DYNC1H1: variants seen among roughly 807,000 people sequenced by gnomAD.
The protein encoded by DYNC1H1 is cytoplasmic dynein 1 heavy chain 1.
Under a neutral mutation model 527.1 loss-of-function variants are expected in DYNC1H1, and 51 were observed. That is an observed-to-expected ratio of 0.10 (90% CI 0.08 to 0.12). DYNC1H1 has a LOEUF of 0.12. Ranked by LOEUF, DYNC1H1 falls within the 10% of genes least tolerant of loss-of-function variation. The pLI is 1.00. For synonymous variants in DYNC1H1, 2,189 were observed against 2,278.8 expected, an observed-to-expected ratio of 0.96 and a Z score of 1.12; for missense variants, 2,771 against 5,971.8, an observed-to-expected ratio of 0.46 and a Z score of 17.66.
At position 101,997,852 on chromosome 14, in the gene DYNC1H1, G is replaced by A. The variant is rs1359808593; in HGVS notation, c.3804+578G>A. On this transcript the variant is annotated intron_variant, in intron 16 of 77. Transcript: ENST00000360184. This position sits in a 1 kb window ranked among gnomAD's most constrained non-coding sequence, Gnocchi z 4.8. ...GAGCCTCCTACCTTCATGGAATCAC[G>A]CTCCGTGGGAGAGAGAAAAAAAATG... Among the ~76,000 whole-genome samples, 2 of 152,302 alleles carry A rather than the reference G, an allele frequency of 1.3e-5. No individual in the cohort carries two copies. The highest frequency in any genetic ancestry group is 4.1e-4 in the South Asian group (2 of 4,826).
In DYNC1H1 at chr14:102,039,583, G is replaced by A. The variant is rs748415496; in HGVS notation, c.11595+37G>A. Reference sequence around the variant, plus strand: ...TCCTCAGCCGCTCCCTGGCGGGGGGGAAGCAGGGTGCTGCTTCTCTTATGG... The same window carrying A: ...TCCTCAGCCGCTCCCTGGCGGGGGGAAAGCAGGGTGCTGCTTCTCTTATGG... On this transcript the variant is annotated intron_variant, in intron 61 of 77. Coordinates refer to ENST00000360184, the MANE Select transcript of DYNC1H1 (RefSeq NM_001376.5). The surrounding 1 kb of genome is among the most constrained non-coding windows in gnomAD (Gnocchi z 7.0). The A allele has an allele frequency of 1.4e-5, 23 of 1,614,222 alleles. 1 individual carries two copies. In the South Asian group the frequency reaches 2.2e-4, roughly 15 times the overall value.
intron 43 of DYNC1H1, among the ~76,000 whole-genome samples, chr14:102,024,136 A>G (rs556991286): frequency 1.3e-5 from 2 of 152,332 alleles, no homozygotes; most frequent in East Asian, 3.9e-4. Flanking sequence ...AGTGAAAGAA[A>G]TCTTTGCTTC....
chr14:101,983,236 C>G lies in DYNC1H1; in HGVS notation c.1179C>G (p.Leu393=), dbSNP rs780971776. The G allele has an allele frequency of 5.6e-6, 9 of 1,614,004 alleles. No individual in the cohort carries two copies. Among genetic ancestry groups the G allele is most frequent in the African/African-American group, 2.7e-5 (2 of 74,894 alleles). ...CAAGAGACTTGAGTTCTCAATTACT[C>G]AAAGTATTGGGCACTAGGAAATTGA... The part of the protein sequence containing the change: ...AISRDLSSQL[L]KVLGTRKLMH... Residue 393 remains leucine (L), a synonymous_variant, in exon 6 of 78, where the codon CTC becomes CTG. Coordinates refer to ENST00000360184, the MANE Select transcript of DYNC1H1 (RefSeq NM_001376.5). This position sits in a 1 kb window ranked among gnomAD's most constrained non-coding sequence, Gnocchi z 5.3.
Position 102,042,639 on chromosome 14 carries a change from C to T in DYNC1H1, c.12404C>T (p.Pro4135Leu). ...TGGAACGGCGCTCTCCCTTAGGTGCCTGTGAATCTGCTCCGTGCGGGCCGC... is the reference window on the plus strand; with the variant it reads ...TGGAACGGCGCTCTCCCTTAGGTGCTTGTGAATCTGCTCCGTGCGGGCCGC... ...FLTMEINPKVPVNLLRAGRIF... is the reference protein window; with the variant it reads ...FLTMEINPKVLVNLLRAGRIF... The change falls in exon 69 of 78, where the codon CCT (proline) becomes CTT (leucine). Residue 4135 changes from proline (P) to leucine (L), a missense_variant. This residue lies in a region of DYNC1H1 where 195 missense variants were observed against 428.6 expected (regional missense o/e 0.45). Transcript: ENST00000360184. This position sits in a 1 kb window ranked among gnomAD's most constrained non-coding sequence, Gnocchi z 5.7. 1 of 1,614,172 alleles carries T rather than the reference C, an allele frequency of 6.2e-7. No homozygotes were observed. Among genetic ancestry groups the T allele is most frequent in the Non-Finnish European group, 8.5e-7 (1 of 1,180,038 alleles).
At position 101,982,548 on chromosome 14, in the gene DYNC1H1, C is replaced by G. The variant is rs575607912; in HGVS notation, c.962-471C>G. On this transcript the variant is annotated intron_variant, in intron 5 of 77. Coordinates refer to ENST00000360184, the MANE Select transcript of DYNC1H1 (RefSeq NM_001376.5). The stretch of plus-strand genomic sequence containing the variant: ...TGGAGGTTGCAGTGAGCCGAGATCA[C>G]CCCACTGCACTCCAGCTTGGGCGAC... 2.0e-5 allele frequency among the ~76,000 whole-genome samples: 3 copies of G among 152,138 alleles called. No individual in the cohort carries two copies. The South Asian group carries it at 6.2e-4, about 32-fold the overall frequency.
chr14:102,047,104 TG>T (rs1224706120), intron 72 of DYNC1H1, among the ~76,000 whole-genome samples: 1 of 141,520 alleles, frequency 7.1e-6, no homozygotes, highest in Non-Finnish European at 1.6e-5. Context: ...TTGCTGGTGC[TG>T]GGACTGTGGG....
rs1321496386 is a variant in DYNC1H1, at chr14:102,012,777, A to C, written c.7014+307A>C. 2 of 411,154 alleles carry C rather than the reference A, an allele frequency of 4.9e-6. No homozygotes were observed. Among genetic ancestry groups the C allele is most frequent in the Non-Finnish European group, 9.1e-6 (2 of 219,900 alleles). The allele number at this position is 411,154 out of a possible 1,614,324, so 25.5% of individuals were successfully genotyped here. A position where few individuals can be genotyped will look rare whatever the true frequency, so the allele number is the denominator to read the frequency against. On this transcript the variant is annotated intron_variant, in intron 34 of 77. Coordinates refer to ENST00000360184, the MANE Select transcript of DYNC1H1 (RefSeq NM_001376.5). This position sits in a 1 kb window ranked among gnomAD's most constrained non-coding sequence, Gnocchi z 4.9. ...GTTAAGGTTTCTTAAGCTGTTATACATCTAGAGAGCTGGGAAAATGAGAAA... is the reference window on the plus strand; with the variant it reads ...GTTAAGGTTTCTTAAGCTGTTATACCTCTAGAGAGCTGGGAAAATGAGAAA...
chr14:102,045,600 G>A (rs1230257063), intron 72 of DYNC1H1, among the ~76,000 whole-genome samples: 1 of 152,004 alleles, frequency 6.6e-6, no homozygotes, highest in Admixed American at 6.5e-5. Flanking sequence ...AACAGAACAA[G>A]ATTCTGTCTC....
At chr14:102,014,813 A>G (rs1460125045) in intron 34 of DYNC1H1, among the ~76,000 whole-genome samples, 1 of 152,044 alleles carries the variant, frequency 6.6e-6, no homozygotes, top group Non-Finnish European at 1.5e-5. Flanking sequence ...TTTTTTTTAC[A>G]TAAGTGCAGA....
At position 102,049,921 on chromosome 14, in the gene DYNC1H1, G is replaced by C. The variant is rs117200579; in HGVS notation, c.13684+39G>C. 7.7e-5 allele frequency: 124 copies of C among 1,613,660 alleles called. No homozygotes were observed. Among genetic ancestry groups the C allele is most frequent in the Non-Finnish European group, 1.0e-4 (123 of 1,179,978 alleles). On this transcript the variant is annotated intron_variant, in intron 76 of 77. Transcript: ENST00000360184. This position sits in a 1 kb window ranked among gnomAD's most constrained non-coding sequence, Gnocchi z 5.5. ...CACAGAAAATACTGGCTCTTTGCAGGTGACCTCGGTGGCCTGAGACCATTG... is the reference window on the plus strand; with the variant it reads ...CACAGAAAATACTGGCTCTTTGCAGCTGACCTCGGTGGCCTGAGACCATTG...
chr14:102,009,794 T>C, intron 29 of DYNC1H1, 49 bp from the exon 30 acceptor site: 1 of 895,576 alleles, frequency 1.1e-6, no homozygotes, highest in South Asian at 1.8e-5. Flanking sequence ...ATGCATTTTG[T>C]TTTTTTTTTT....
chr14:101,999,091 C>G (rs956835084), intron 16 of DYNC1H1, among the ~76,000 whole-genome samples: 29 of 151,994 alleles, frequency 1.9e-4, no homozygotes, highest in African/African-American at 6.8e-4. Context: ...AATGTGTTAG[C>G]CAGGATGGTC....
chr14:102,046,271 C>T lies in DYNC1H1; in HGVS notation c.13007-1546C>T, dbSNP rs193022255. 1.8e-3 allele frequency among the ~76,000 whole-genome samples: 268 copies of T among 152,272 alleles called. 1 individual carries two copies. The highest frequency in any genetic ancestry group is 6.2e-3 in the African/African-American group (256 of 41,554). On this transcript the variant is annotated intron_variant, in intron 72 of 77. Transcript: ENST00000360184. ...CTGGCCTTCACAAAGCCTCCAAGCA[C>T]TACACGTGGGGTTGACAGCAGCTGA... is the stretch of plus-strand genomic sequence containing the variant.
In DYNC1H1 at chr14:102,016,210, A is replaced by C. The variant is rs144295285; in HGVS notation, c.7473+124A>C. 1 of 1,503,236 alleles carries C rather than the reference A, an allele frequency of 6.7e-7. No individual in the cohort carries two copies. The highest frequency in any genetic ancestry group is 1.4e-5 in the African/African-American group (1 of 71,924). 93.1% of individuals were successfully genotyped at this position (1,503,236 alleles called of 1,614,324 possible). A position where few individuals can be genotyped will look rare whatever the true frequency, so the allele number is the denominator to read the frequency against. ...CCTAGGCGAGGCAGAGCCTTCGTTGAGGGGCTAGGAAAGGTGCAGTGGGTG... is the reference window on the plus strand; with the variant it reads ...CCTAGGCGAGGCAGAGCCTTCGTTGCGGGGCTAGGAAAGGTGCAGTGGGTG... On this transcript the variant is annotated intron_variant, in intron 36 of 77. Transcript: ENST00000360184. The surrounding 1 kb of genome is among the most constrained non-coding windows in gnomAD (Gnocchi z 7.3).
chr14:102,000,972 G>A lies in DYNC1H1; in HGVS notation c.4093G>A (p.Ala1365Thr). 1 of 1,614,180 alleles carries A rather than the reference G, an allele frequency of 6.2e-7. No individual in the cohort carries two copies. The highest frequency in any genetic ancestry group is 8.5e-7 in the Non-Finnish European group (1 of 1,180,022). ...QPRKLRQNLDALLNQLKSFPA... is the reference protein window; with the variant it reads ...QPRKLRQNLDTLLNQLKSFPA... ...TCGACAGCTTCGACAAAATTTGGAT[G>A]CCCTCCTGAACCAGCTGAAAAGCTT... Residue 1365 changes from alanine to threonine, a missense_variant, in exon 19 of 78, where the codon GCC (alanine) becomes ACC (threonine). By Grantham distance (58) the Ala-to-Thr change is moderately conservative. Transcript: ENST00000360184.
rs2047891693 is a variant in DYNC1H1, at chr14:101,983,474, G to A, written c.1326G>A (p.Arg442=). ...TGAGAGACATCGTCAAAAGAAAAAG[G>A]GAAGAAAATCTGAAGATGGTGTGGC... ...VLLRDIVKRK[R]EENLKMVWRI... The change falls in exon 7 of 78, where the codon AGG becomes AGA. Residue 442 remains arginine, a synonymous_variant. Transcript: ENST00000360184. The surrounding 1 kb of genome is among the most constrained non-coding windows in gnomAD (Gnocchi z 5.3). 18 of 1,614,108 alleles carry A rather than the reference G, an allele frequency of 1.1e-5. No individual in the cohort carries two copies. The highest frequency in any genetic ancestry group is 1.5e-5 in the Non-Finnish European group (18 of 1,180,026).
chr14:101,999,104 A>T (rs552956000), intron 16 of DYNC1H1, among the ~76,000 whole-genome samples: 1 of 152,078 alleles, frequency 6.6e-6, no homozygotes, highest in Non-Finnish European at 1.5e-5. Context: ...GGATGGTCTC[A>T]ATCTCCTGAC....
chr14:101,978,334 G>A (rs544225897), intron 2 of DYNC1H1, among the ~76,000 whole-genome samples: 1 of 152,138 alleles, frequency 6.6e-6, no homozygotes, highest in Admixed American at 6.5e-5. Context: ...ACTGTGCCCG[G>A]CCTAATTTTT....
rs1440670100 is a variant in DYNC1H1 at position 102,032,935 on chromosome 14, T to C, written c.10080-130T>C. 4 of 914,694 alleles carry C rather than the reference T, an allele frequency of 4.4e-6. No individual in the cohort carries two copies. In the East Asian group the frequency reaches 9.7e-5, roughly 22 times the overall value. The allele number at this position is 914,694 out of a possible 1,614,324, so 56.7% of individuals were successfully genotyped here. A position where few individuals can be genotyped will look rare whatever the true frequency, so the allele number is the denominator to read the frequency against. On this transcript the variant is annotated intron_variant, in intron 52 of 77. Transcript: ENST00000360184. ...CCTGAGAACCAAGGGTCAGTCTAGCTCATCCCCAGTGGTCAGTCACTGGGG... is the reference window on the plus strand; with the variant it reads ...CCTGAGAACCAAGGGTCAGTCTAGCCCATCCCCAGTGGTCAGTCACTGGGG...
Sources: gnomAD v4.1 joint callset for allele counts (sites outside exome capture counted in the v4.1 genomes callset) on GRCh38, gnomAD v4.1.1 for gene constraint, gnomAD v4.1.1 regional missense constraint, Gnocchi (gnomAD v3.1) non-coding constraint, MANE v1.5 for transcripts, NCBI Gene and HGNC (gene_info 2026-07-23, HGNC 2026-07-21) for gene names.